The following GALNT13 variants were observed in gnomAD, a reference collection of about 807,000 sequenced individuals.
The protein encoded by GALNT13 is UDP-GalNAc:polypeptide N-acetylgalactosaminyltransferase 13.
Under a neutral mutation model 64.2 loss-of-function variants are expected in GALNT13, and 28 were observed. The observed-to-expected ratio is 0.44, with a 90% CI of 0.32 to 0.60. GALNT13 has a LOEUF of 0.60. Ranked by LOEUF, GALNT13 falls within the 20% of genes least tolerant of loss-of-function variation. The pLI is 0.05. For missense variants in GALNT13, 577 were observed against 669.8 expected, an observed-to-expected ratio of 0.86 and a Z score of 1.53; for synonymous variants, 214 against 224.6, an observed-to-expected ratio of 0.95 and a Z score of 0.42.
At chr2:153,542,925 G>A in the GALNT13 span, among the ~76,000 whole-genome samples, 1 of 152,084 alleles carries the variant, frequency 6.6e-6, no homozygotes, top group Non-Finnish European at 1.5e-5. Flanking sequence ...TTTTGAGCAT[G>A]TAACCAACTT....
the GALNT13 span, among the ~76,000 whole-genome samples, chr2:153,419,254 T>G: frequency 6.6e-6 from 1 of 152,162 alleles, no homozygotes; most frequent in African/African-American, 2.4e-5. Context: ...TTAGATCTTG[T>G]GAGAACTCAA....
intron 9 of GALNT13, among the ~76,000 whole-genome samples, chr2:154,388,310 C>T (rs192112830): frequency 2.6e-5 from 4 of 152,076 alleles, no homozygotes; most frequent in Non-Finnish European, 5.9e-5. Flanking sequence ...AGATTTTAAT[C>T]CCTTATCAGA....
chr2:153,502,041 T>TA, the GALNT13 span, among the ~76,000 whole-genome samples: 8 of 152,006 alleles, frequency 5.3e-5, no homozygotes, highest in Admixed American at 1.3e-4. Flanking sequence ...TAAGAAAAGT[T>TA]AAAAAAAATT....
chr2:153,681,060 G>A, the GALNT13 span, among the ~76,000 whole-genome samples: 144 of 151,950 alleles, frequency 9.5e-4, no homozygotes, highest in African/African-American at 3.0e-3. Context: ...GTGCCAAGTC[G>A]GCCAAATTCC....
the GALNT13 span, among the ~76,000 whole-genome samples, chr2:153,781,841 C>A: frequency 6.6e-6 from 1 of 151,984 alleles, no homozygotes. Flanking sequence ...ACATCACTTC[C>A]AATTAATAGA....
the GALNT13 span, among the ~76,000 whole-genome samples, chr2:153,523,041 C>CTGTTTTTTTTTTTT: frequency 1.3e-5 from 1 of 74,778 alleles, no homozygotes; most frequent in African/African-American, 7.6e-5. Flanking sequence ...TCTGTGTTTA[C>CTGTTTTTTTTTTTT]TATTTTTTTT....
intron 12 of GALNT13, among the ~76,000 whole-genome samples, chr2:154,440,625 T>C (rs2105476956): frequency 6.6e-6 from 1 of 152,252 alleles, no homozygotes; most frequent in Admixed American, 6.5e-5. Flanking sequence ...TAAAATGTCA[T>C]AAATATTGAG....
chr2:154,036,096 A>T (rs1698645112), intron 3 of GALNT13, among the ~76,000 whole-genome samples: 1 of 152,094 alleles, frequency 6.6e-6, no homozygotes, highest in Admixed American at 6.6e-5. Flanking sequence ...CTAAATAATC[A>T]TTTATTAACA....
At chr2:154,001,793 A>G (rs1476975210) in intron 3 of GALNT13, among the ~76,000 whole-genome samples, 1 of 152,006 alleles carries the variant, frequency 6.6e-6, no homozygotes, top group African/African-American at 2.4e-5. Context: ...ACATGTTAGA[A>G]TGTTTTCCTT....
chr2:154,403,071 T>G lies in GALNT13; in HGVS notation c.1297-5913T>G, dbSNP rs963701342. Among the ~76,000 whole-genome samples the G allele has an allele frequency of 2.0e-5, 3 of 152,240 alleles. 1 individual carries two copies. The highest frequency in any genetic ancestry group is 6.5e-5 in the Admixed American group (1 of 15,280). ...TGCCTACAGGGTTGGGCTCGCTCAC[T>G]CGGGAACAATTTATGTGCTTCTATC... On this transcript the variant is annotated intron_variant, in intron 10 of 12. Transcript: ENST00000392825.
chr2:153,940,497 T>G (rs1450316284), intron 2 of GALNT13, among the ~76,000 whole-genome samples: 1 of 152,102 alleles, frequency 6.6e-6, no homozygotes, highest in East Asian at 1.9e-4. Context: ...CTTCAGGTGA[T>G]CTACCTGCCT....
At chr2:153,259,114 G>A in the GALNT13 span, among the ~76,000 whole-genome samples, 1 of 152,072 alleles carries the variant, frequency 6.6e-6, no homozygotes, top group African/African-American at 2.4e-5. Flanking sequence ...TCCAGTGTTG[G>A]GAGTATGTAT....
intron 3 of GALNT13, among the ~76,000 whole-genome samples, chr2:153,947,029 G>A (rs1691805701): frequency 6.6e-6 from 1 of 152,030 alleles, no homozygotes; most frequent in Non-Finnish European, 1.5e-5. Flanking sequence ...TTCTGGACCT[G>A]TGCATCTCCA....
the GALNT13 span, among the ~76,000 whole-genome samples, chr2:153,620,279 A>G: frequency 6.6e-6 from 1 of 151,900 alleles, no homozygotes; most frequent in African/African-American, 2.4e-5. Context: ...GTGCATGACC[A>G]CACCTGGCTA....
the GALNT13 span, chr2:153,421,744 G>C: frequency 8.0e-6 from 2 of 248,748 alleles, no homozygotes; most frequent in Non-Finnish European, 1.7e-5. Context: ...AACTTCATCA[G>C]TGACTATGGG....
At chr2:153,592,826 A>C in the GALNT13 span, 1 of 152,256 alleles carries the variant, frequency 6.6e-6, no homozygotes, top group Non-Finnish European at 1.5e-5. Context: ...GGAGAAACTT[A>C]AAGCCTGTTT....
chr2:154,143,049 G>A (rs550739746), intron 4 of GALNT13, among the ~76,000 whole-genome samples: 76 of 152,232 alleles, frequency 5.0e-4, no homozygotes, highest in Non-Finnish European at 7.4e-4. Context: ...TGGCACTGGG[G>A]ACCAGTTTTG....
chr2:154,381,291 A>G (rs1438232930), intron 9 of GALNT13, among the ~76,000 whole-genome samples: 1 of 152,022 alleles, frequency 6.6e-6, no homozygotes, highest in African/African-American at 2.4e-5. Flanking sequence ...ACTTTCTGTA[A>G]TGCTCACCCA....
At chr2:154,227,724 A>C (rs1688697503) in intron 4 of GALNT13, among the ~76,000 whole-genome samples, 1 of 151,802 alleles carries the variant, frequency 6.6e-6, no homozygotes, top group Admixed American at 6.6e-5. Context: ...ACATTTTTCT[A>C]ATCACACAAA....
Sources: allele counts gnomAD v4.1 joint callset (sites outside exome capture counted in the v4.1 genomes callset), GRCh38; gene constraint gnomAD v4.1.1; transcripts MANE v1.5; gene names NCBI Gene and HGNC (gene_info 2026-07-23, HGNC 2026-07-21).